Variants in STK3 observed in about 807,000 individuals in gnomAD.
STK3 encodes the protein serine/threonine-protein kinase 3.
In STK3, 41 loss-of-function variants were observed where a neutral mutation model predicts 58.0. The ratio of observed to expected loss-of-function variants is 0.71; its 90% CI spans 0.55 to 0.92. STK3 has a LOEUF of 0.92. STK3 is among the 40% of genes least tolerant of loss of function. The pLI, the probability that STK3 is intolerant of heterozygous loss-of-function variation, is 0.00. For missense variants in STK3, 479 were observed against 602.7 expected, an observed-to-expected ratio of 0.79 and a Z score of 2.15; for synonymous variants, 170 against 191.0, an observed-to-expected ratio of 0.89 and a Z score of 0.91.
At chr8:98,640,120 C>A (rs1312651539) in intron 6 of STK3, among the ~76,000 whole-genome samples, 2 of 152,122 alleles carry the variant, frequency 1.3e-5, no homozygotes, top group Admixed American at 6.5e-5. Flanking sequence ...GTGGCGCGAT[C>A]ACGGCTCACT....
intron 3 of STK3, among the ~76,000 whole-genome samples, chr8:98,415,366 C>A (rs1013807906): frequency 2.0e-5 from 3 of 152,210 alleles, no homozygotes; most frequent in Non-Finnish European, 4.4e-5. Context: ...TCTATCATGA[C>A]TGAGCCACGA....
At chr8:98,462,808 A>G (rs1362570394) in intron 10 of STK3, 4 of 152,208 alleles carry the variant, frequency 2.6e-5, no homozygotes, top group Admixed American at 2.6e-4. Context: ...AATTCTTTAT[A>G]AAAAGATATT....
At chr8:98,628,819 CAAAAAAAAA>C (rs10571679) in intron 6 of STK3, among the ~76,000 whole-genome samples, 3 of 64,120 alleles carry the variant, frequency 4.7e-5, no homozygotes, top group African/African-American at 1.4e-4. Context: ...CTCCACACTC[CAAAAAAAAA>C]AAAAAAAAAA....
At chr8:98,891,188 G>T (rs555213973) in intron 1 of STK3, among the ~76,000 whole-genome samples, 1 of 152,222 alleles carries the variant, frequency 6.6e-6, no homozygotes, top group African/African-American at 2.4e-5. Context: ...GCTCAGCACC[G>T]CATGGTGCAG....
At chr8:98,863,517 C>T (rs77303430) in intron 3 of STK3, among the ~76,000 whole-genome samples, 4,121 of 152,200 alleles carry the variant, frequency 0.027, 74 homozygotes, top group Non-Finnish European at 0.042. Context: ...CACACACACA[C>T]CACACAAACT....
chr8:98,718,459 G>A lies in STK3; in HGVS notation c.352-11148C>T, dbSNP rs770053260. Among the ~76,000 whole-genome samples the A allele has an allele frequency of 2.0e-5, 3 of 152,144 alleles. No homozygotes were observed. The East Asian group carries it at 5.8e-4, about 29-fold the overall frequency. On this transcript the variant is annotated intron_variant, in intron 4 of 10. Transcript: ENST00000419617. ...GGAATTTATTCTCTCCTTCAGACTAGATGGTCTGACTTGACAGCGCAGAGA... is the reference window on the plus strand; with the variant it reads ...GGAATTTATTCTCTCCTTCAGACTAAATGGTCTGACTTGACAGCGCAGAGA...
intron 6 of STK3, among the ~76,000 whole-genome samples, chr8:98,645,400 C>A (rs1820325925): frequency 6.6e-6 from 1 of 152,034 alleles, no homozygotes; most frequent in African/African-American, 2.4e-5. Context: ...ACACACAAGG[C>A]CTAAGAAATA....
chr8:98,407,033 T>C (rs10098761), intron 3 of STK3, among the ~76,000 whole-genome samples: 32,648 of 152,098 alleles, frequency 0.21, 4,200 homozygotes, highest in African/African-American at 0.36. Flanking sequence ...CAGTTAAGTC[T>C]TCTGGATTTA....
At chr8:98,489,678 A>G (rs1014566243) in intron 10 of STK3, among the ~76,000 whole-genome samples, 2 of 152,184 alleles carry the variant, frequency 1.3e-5, no homozygotes, top group African/African-American at 2.4e-5. Flanking sequence ...CACACATTCA[A>G]TAATAGATGC....
chr8:98,526,492 ATATT>A (rs144998152), intron 10 of STK3: 8,697 of 258,846 alleles, frequency 0.034, 214 homozygotes, highest in South Asian at 0.059. Flanking sequence ...GGAGTCCTGA[ATATT>A]TATTTAAATT....
chr8:98,451,187 A>AT (rs201665283), downstream of STK3, among the ~76,000 whole-genome samples: 464 of 151,570 alleles, frequency 3.1e-3, 2 homozygotes, highest in African/African-American at 0.01. Context: ...ATTAATGACA[A>AT]TTTTTTTTTG....
intron 5 of STK3, 43 bp from the exon 6 acceptor site, chr8:98,706,677 C>A: frequency 6.8e-7 from 1 of 1,469,988 alleles, no homozygotes; most frequent in South Asian, 1.5e-5. Context: ...TACAAAAGCA[C>A]AAAGGAAATC....
chr8:98,825,455 C>T (rs1564038550), intron 1 of STK3, 60 bp downstream of exon 1: 2 of 1,415,716 alleles, frequency 1.4e-6, no homozygotes, highest in Admixed American at 2.6e-5. Flanking sequence ...GGCCTAGCCA[C>T]CCCCGCCCCG....
intron 1 of STK3, among the ~76,000 whole-genome samples, chr8:98,931,720 A>C (rs1010566563): frequency 2.0e-5 from 3 of 152,208 alleles, no homozygotes; most frequent in African/African-American, 7.2e-5. Flanking sequence ...CTGTCAGAAC[A>C]AAAACAATCA....
At chr8:98,882,269 G>A (rs556921763), downstream of STK3, 1 of 151,962 alleles carries the variant, frequency 6.6e-6, no homozygotes, top group Admixed American at 6.5e-5. Flanking sequence ...TTTAATTTTT[G>A]TGGGTACGTA....
chr8:98,841,231 G>C (rs1318025077), intron 3 of STK3, among the ~76,000 whole-genome samples: 1 of 152,184 alleles, frequency 6.6e-6, no homozygotes, highest in Non-Finnish European at 1.5e-5. Flanking sequence ...CACACTCAAA[G>C]AGAGAGGATT....
intron 1 of STK3, among the ~76,000 whole-genome samples, chr8:98,896,385 A>C (rs1339504828): frequency 6.6e-6 from 1 of 152,222 alleles, no homozygotes; most frequent in East Asian, 1.9e-4. Flanking sequence ...TTAAATAGAC[A>C]AACTAGTGCT....
intron 8 of STK3, among the ~76,000 whole-genome samples, chr8:98,567,085 CAT>C (rs908313875): frequency 1.3e-5 from 2 of 152,172 alleles, no homozygotes; most frequent in Admixed American, 6.5e-5. Context: ...AACAGATACA[CAT>C]GTTAAGTCAA....
rs562821388 is a variant in STK3, at chr8:98,594,932, T to C, written c.822+1100A>G. ...TTATAAGCATTAAGATATGTATATA[T>C]GTTGTGTGTACATAGGTGTATTTTT... On this transcript the variant is annotated intron_variant, in intron 7 of 10. Transcript: ENST00000419617. The C allele has an allele frequency of 4.6e-5, 7 of 152,338 alleles. No individual in the cohort carries two copies. The South Asian group carries it at 1.2e-3, about 27-fold the overall frequency. 9.4% of individuals were successfully genotyped at this position (152,338 alleles called of 1,614,324 possible).
Sources: allele counts gnomAD v4.1 joint callset (sites outside exome capture counted in the v4.1 genomes callset), GRCh38; gene constraint gnomAD v4.1.1; transcripts MANE v1.5; gene names NCBI Gene and HGNC (gene_info 2026-07-23, HGNC 2026-07-21).